Variants in CNTN4 observed in about 807,000 individuals in gnomAD.
CNTN4 encodes the protein contactin 4, also known as contactin-4.
In CNTN4, 77 loss-of-function variants were observed where a neutral mutation model predicts 122.5. That is an observed-to-expected ratio of 0.63 (90% CI 0.52 to 0.76). The LOEUF is 0.76. Ranked by LOEUF, CNTN4 falls within the 30% of genes least tolerant of loss-of-function variation. The pLI is 0.00. For missense variants in CNTN4, 1,256 were observed against 1,259.1 expected, an observed-to-expected ratio of 1.00 and a Z score of 0.04; for synonymous variants, 512 against 447.0, an observed-to-expected ratio of 1.15 and a Z score of -1.83.
chr3:2,972,242 A>G (rs577083081), intron 13 of CNTN4, among the ~76,000 whole-genome samples: 1 of 152,282 alleles, frequency 6.6e-6, no homozygotes, highest in African/African-American at 2.4e-5. Context: ...ATTTTCTTAT[A>G]TAGCACTGTA....
intron 2 of CNTN4, among the ~76,000 whole-genome samples, chr3:2,244,845 A>C (rs2040081342): frequency 6.6e-6 from 1 of 152,058 alleles, no homozygotes; most frequent in Non-Finnish European, 1.5e-5. Flanking sequence ...TTGTGCTCTG[A>C]ATCTGAAAAT....
At chr3:2,278,957 C>A (rs1042528553) in intron 2 of CNTN4, among the ~76,000 whole-genome samples, 1 of 151,984 alleles carries the variant, frequency 6.6e-6, no homozygotes, top group Non-Finnish European at 1.5e-5. Context: ...AAATGACTCC[C>A]TGTTAGCTTT....
intron 2 of CNTN4, among the ~76,000 whole-genome samples, chr3:2,237,110 AGTGAAGCATCTTAAGAGG>A (rs2039709295): frequency 6.6e-6 from 1 of 152,172 alleles, no homozygotes; most frequent in African/African-American, 2.4e-5. Context: ...ATGGGAAGAC[AGTGAAGCATCTTAAGAGG>A]GTTGAGGTAA....
intron 3 of CNTN4, among the ~76,000 whole-genome samples, chr3:2,424,957 A>T (rs1189956700): frequency 1.3e-5 from 2 of 152,142 alleles, no homozygotes; most frequent in East Asian, 1.9e-4. Context: ...TTCTTTGTAG[A>T]TTCTGGATAT....
chr3:3,028,617 A>G (rs372887092), intron 15 of CNTN4, among the ~76,000 whole-genome samples: 95 of 152,304 alleles, frequency 6.2e-4, no homozygotes, highest in Non-Finnish European at 2.8e-4. Flanking sequence ...CCTAAGGCCA[A>G]TGTGGCTTCC....
intron 2 of CNTN4, among the ~76,000 whole-genome samples, chr3:2,138,595 A>G (rs2034827901): frequency 1.3e-5 from 2 of 152,206 alleles, no homozygotes. Flanking sequence ...CACTGAGGGC[A>G]TGAATAGAAC....
At chr3:2,836,667 C>G (rs143593904) in intron 7 of CNTN4, among the ~76,000 whole-genome samples, 43 of 150,832 alleles carry the variant, frequency 2.9e-4, no homozygotes, top group African/African-American at 1.0e-3. Context: ...TCAAAATAAG[C>G]CAAAATAAGT....
chr3:2,139,382 G>C (rs1477243143), intron 2 of CNTN4, among the ~76,000 whole-genome samples: 1 of 152,052 alleles, frequency 6.6e-6, no homozygotes, highest in African/African-American at 2.4e-5. Flanking sequence ...TTACTAATGG[G>C]ATATATCCTC....
chr3:2,602,708 A>G lies in CNTN4; in HGVS notation c.55+31150A>G, dbSNP rs150770909. Reference sequence around the variant, plus strand: ...CAATGTCATCCCCATCAAGCTACCAATGGTTTATGGAATTCTTATGTATAG... The same window carrying G: ...CAATGTCATCCCCATCAAGCTACCAGTGGTTTATGGAATTCTTATGTATAG... On this transcript the variant is annotated intron_variant, in intron 4 of 24. Coordinates refer to ENST00000418658, the MANE Select transcript of CNTN4 (RefSeq NM_175607.3). 5.8e-4 allele frequency among the ~76,000 whole-genome samples: 89 copies of G among 152,266 alleles called. 3 individuals carry two copies. In the East Asian group the frequency reaches 0.017, roughly 29 times the overall value.
rs531798978 is a variant in CNTN4 at position 2,169,566 on chromosome 3, C to T, written c.-145+68927C>T. ...GGACTACAGGCGCCGCCACCACGCC[C>T]GGCTGATTTTTTTGTAGAGACGGGG... On this transcript the variant is annotated intron_variant, in intron 2 of 24. Transcript: ENST00000418658. Among the ~76,000 whole-genome samples the T allele has an allele frequency of 3.7e-4, 56 of 151,228 alleles. 1 individual carries two copies. Among genetic ancestry groups the T allele is most frequent in the South Asian group, 3.3e-3 (16 of 4,786 alleles).
At chr3:2,835,867 A>T (rs949820535) in intron 7 of CNTN4, among the ~76,000 whole-genome samples, 1 of 152,110 alleles carries the variant, frequency 6.6e-6, no homozygotes, top group African/African-American at 2.4e-5. Context: ...GGAACATAGC[A>T]CAAACCTAGG....
At chr3:2,597,573 A>G (rs2616595) in intron 4 of CNTN4, among the ~76,000 whole-genome samples, 71,034 of 152,000 alleles carry the variant, frequency 0.47, 17,311 homozygotes, top group East Asian at 0.58. Context: ...GCTGTTCCCC[A>G]GGAAAGGTGC....
At chr3:2,561,615 C>G (rs2078959527) in intron 3 of CNTN4, among the ~76,000 whole-genome samples, 1 of 152,084 alleles carries the variant, frequency 6.6e-6, no homozygotes, top group Non-Finnish European at 1.5e-5. Context: ...CTTTTTCTAG[C>G]AGAATCCAAT....
chr3:2,390,692 C>T (rs1305016356), intron 3 of CNTN4, among the ~76,000 whole-genome samples: 1 of 152,028 alleles, frequency 6.6e-6, no homozygotes, highest in Admixed American at 6.5e-5. Flanking sequence ...TTTTCCCCAC[C>T]TAACTTCCTT....
chr3:2,455,143 C>T (rs1456954959), intron 3 of CNTN4, among the ~76,000 whole-genome samples: 1 of 152,088 alleles, frequency 6.6e-6, no homozygotes, highest in Non-Finnish European at 1.5e-5. Context: ...TAGGGATGGA[C>T]TTATGAGTTC....
intron 2 of CNTN4, among the ~76,000 whole-genome samples, chr3:2,247,170 G>A (rs2040189726): frequency 6.6e-6 from 1 of 152,122 alleles, no homozygotes; most frequent in African/African-American, 2.4e-5. Flanking sequence ...GAATTCTGTT[G>A]ATAAGCTATT....
At chr3:2,190,604 G>A (rs1483772038) in intron 2 of CNTN4, among the ~76,000 whole-genome samples, 1 of 151,696 alleles carries the variant, frequency 6.6e-6, no homozygotes, top group Non-Finnish European at 1.5e-5. Flanking sequence ...TCAGAGCTAC[G>A]GGACAGTCTG....
chr3:2,717,690 G>T (rs554748847), intron 4 of CNTN4, among the ~76,000 whole-genome samples: 1 of 152,214 alleles, frequency 6.6e-6, no homozygotes, highest in Non-Finnish European at 1.5e-5. Context: ...GAAATTTCTG[G>T]ATCAACTTTT....
intron 2 of CNTN4, among the ~76,000 whole-genome samples, chr3:2,231,125 A>G (rs1269173122): frequency 6.6e-6 from 1 of 152,232 alleles, no homozygotes; most frequent in Non-Finnish European, 1.5e-5. Context: ...ACAATATGTC[A>G]AAAAATATTA....
Sources: gnomAD v4.1 joint callset for allele counts (sites outside exome capture counted in the v4.1 genomes callset) on GRCh38, gnomAD v4.1.1 for gene constraint, MANE v1.5 for transcripts, NCBI Gene and HGNC (gene_info 2026-07-23, HGNC 2026-07-21) for gene names.